WNT9B: variants seen among roughly 807,000 people sequenced by gnomAD.
WNT9B encodes the protein Wnt family member 9B.
WNT9B carries 12 observed loss-of-function variants against 30.2 expected under a neutral mutation model. That is an observed-to-expected ratio of 0.40 (90% CI 0.26 to 0.64). The LOEUF is 0.64. WNT9B is among the 30% of genes least tolerant of loss of function. The probability of loss-of-function intolerance (pLI) is 0.42; values close to 1 mark genes in which losing one functional copy is unlikely to be tolerated. For synonymous variants in WNT9B, 218 were observed against 216.9 expected (o/e 1.01, Z -0.05); for missense variants, 442 against 485.2 (o/e 0.91, Z 0.84).
intron 1 of WNT9B, among the ~76,000 whole-genome samples, chr17:46,839,013 G>T (rs2084667041): frequency 6.6e-6 from 1 of 152,082 alleles, no homozygotes; most frequent in Non-Finnish European, 1.5e-5. Flanking sequence ...GAATAGCTGG[G>T]ATTACAGGCG....
rs1043741539 is a variant in WNT9B, at chr17:46,851,760, C to T, written c.77+45C>T. 5.8e-6 allele frequency: 6 copies of T among 1,026,206 alleles called. No homozygotes were observed. The South Asian group carries it at 2.2e-4, about 38-fold the overall frequency. 63.6% of individuals were successfully genotyped at this position (1,026,206 alleles called of 1,614,324 possible). ...CCCGCCCGCTCCCCGGCCTGCCTGT[C>T]TCTCCCTCCTGCGCTACAGCTGGGC... On this transcript the variant is annotated intron_variant, in intron 1 of 3. Transcript: ENST00000290015. This position sits in a 1 kb window ranked among gnomAD's most constrained non-coding sequence, Gnocchi z 4.3.
intron 1 of WNT9B, among the ~76,000 whole-genome samples, chr17:46,870,297 C>T (rs1397388442): frequency 6.6e-6 from 1 of 152,156 alleles, no homozygotes; most frequent in African/African-American, 2.4e-5. Flanking sequence ...CCCCAAGCTG[C>T]CCTCCACACT....
At chr17:46,854,347 A>G (rs542590622) in intron 1 of WNT9B, among the ~76,000 whole-genome samples, 5 of 152,352 alleles carry the variant, frequency 3.3e-5, no homozygotes, top group Admixed American at 6.5e-5. Flanking sequence ...GCATTTGATT[A>G]TAACACAAAG....
chr17:46,848,228 T>C (rs2146534861), upstream of WNT9B, among the ~76,000 whole-genome samples: 1 of 152,304 alleles, frequency 6.6e-6, no homozygotes, highest in Middle Eastern at 3.4e-3. Flanking sequence ...TGGGCTGTAG[T>C]GTGTGTGCCC....
chr17:46,884,371 C>A (rs1363438004), downstream of WNT9B, among the ~76,000 whole-genome samples: 1 of 152,230 alleles, frequency 6.6e-6, no homozygotes, highest in African/African-American at 2.4e-5. Flanking sequence ...GTGCCGCCCC[C>A]GCCCCACACC....
exon 5 of WNT9B, chr17:46,886,551 A>AGGTG (rs2085491134): frequency 6.6e-6 from 1 of 152,188 alleles, no homozygotes; most frequent in Non-Finnish European, 1.5e-5. Flanking sequence ...CTGTCAATGT[A>AGGTG]GGTGGCCAGG....
chr17:46,866,467 AGTGT>A (rs997916157), intron 1 of WNT9B, among the ~76,000 whole-genome samples: 1 of 151,370 alleles, frequency 6.6e-6, no homozygotes, highest in Non-Finnish European at 1.5e-5. Context: ...AGGGAGTGTG[AGTGT>A]GTGTGTGTAT....
At chr17:46,842,362 C>T (rs1308234293) in intron 1 of WNT9B, among the ~76,000 whole-genome samples, 1 of 152,090 alleles carries the variant, frequency 6.6e-6, no homozygotes, top group Non-Finnish European at 1.5e-5. Flanking sequence ...TTACAGTTAG[C>T]TTTAAATCTT....
In WNT9B at chr17:46,838,165, G is replaced by C. The variant is rs1005321615; in HGVS notation, c.95+4725G>C. Among the ~76,000 whole-genome samples, 63 of 152,108 alleles carry C rather than the reference G, an allele frequency of 4.1e-4. 1 individual carries two copies. Among genetic ancestry groups the C allele is most frequent in the Non-Finnish European group, 4.1e-4 (28 of 68,026 alleles). On this transcript the variant is annotated intron_variant, in intron 1 of 2. Transcript: ENST00000575372. ...CCTTCTCTGTGTCACTGGCCCTACTGTTTTCTCTCTGAGACATCTGGCTGA... is the reference window on the plus strand; with the variant it reads ...CCTTCTCTGTGTCACTGGCCCTACTCTTTTCTCTCTGAGACATCTGGCTGA...
chr17:46,847,231 C>T (rs1305525316), upstream of WNT9B, among the ~76,000 whole-genome samples: 1 of 152,216 alleles, frequency 6.6e-6, no homozygotes, highest in Non-Finnish European at 1.5e-5. Flanking sequence ...GGAGGGGATT[C>T]TGAAGCCCAC....
At chr17:46,855,624 A>C (rs1048946286) in intron 1 of WNT9B, among the ~76,000 whole-genome samples, 1 of 152,202 alleles carries the variant, frequency 6.6e-6, no homozygotes, top group African/African-American at 2.4e-5. Flanking sequence ...AACTTCTGTG[A>C]TGTTGTATAA....
intron 1 of WNT9B, among the ~76,000 whole-genome samples, chr17:46,863,541 G>A (rs1335473114): frequency 6.6e-6 from 1 of 152,200 alleles, no homozygotes; most frequent in African/African-American, 2.4e-5. Flanking sequence ...GATGGTTAGA[G>A]GGGGATGGGG....
At chr17:46,846,660 C>G (rs544456620), upstream of WNT9B, among the ~76,000 whole-genome samples, 1 of 152,342 alleles carries the variant, frequency 6.6e-6, no homozygotes, top group Non-Finnish European at 1.5e-5. Context: ...ATTCAGCCTG[C>G]CTTGGCTGAA....
intron 1 of WNT9B, among the ~76,000 whole-genome samples, chr17:46,840,689 C>T (rs965857724): frequency 1.3e-5 from 2 of 152,182 alleles, no homozygotes; most frequent in African/African-American, 4.8e-5. Flanking sequence ...TTAATGGTCG[C>T]CATTCTAACT....
chr17:46,869,448 G>C (rs2085200758), intron 1 of WNT9B, among the ~76,000 whole-genome samples: 1 of 152,160 alleles, frequency 6.6e-6, no homozygotes, highest in South Asian at 2.1e-4. Context: ...TCTGGGCACT[G>C]CAGAGTGCTG....
downstream of WNT9B, among the ~76,000 whole-genome samples, chr17:46,880,619 G>C (rs1171377777): frequency 6.6e-6 from 1 of 152,208 alleles, no homozygotes; most frequent in Non-Finnish European, 1.5e-5. Context: ...CCCCGTAATG[G>C]ATAAGGAAAT....
intron 1 of WNT9B, among the ~76,000 whole-genome samples, chr17:46,867,014 A>G (rs2085151426): frequency 6.6e-6 from 1 of 152,192 alleles, no homozygotes; most frequent in South Asian, 2.1e-4. Flanking sequence ...GGGACTGGTC[A>G]AGATCAAGTT....
At position 46,877,634 on chromosome 17, in the gene WNT9B, C is replaced by T. The variant is rs574229296; in HGVS notation, c.*916C>T. Among the ~76,000 whole-genome samples the T allele has an allele frequency of 6.6e-5, 10 of 152,186 alleles. No individual in the cohort carries two copies. Among genetic ancestry groups the T allele is most frequent in the Non-Finnish European group, 1.3e-4 (9 of 68,032 alleles). On this transcript the variant is annotated 3_prime_UTR_variant, in exon 4 of 4. Coordinates refer to ENST00000290015, the MANE Select transcript of WNT9B (RefSeq NM_003396.3). ...ACAGCTTCCTGGTGCCTGGCAGTGA[C>T]GTGGCGAGCTCAGTTTCTCAGCTGG...
chr17:46,865,069 C>T (rs2085109028), intron 1 of WNT9B, among the ~76,000 whole-genome samples: 2 of 152,228 alleles, frequency 1.3e-5, no homozygotes, highest in Admixed American at 1.3e-4. Context: ...TGGGGACCCT[C>T]CGCAGCCACT....
Sources: allele counts gnomAD v4.1 joint callset (sites outside exome capture counted in the v4.1 genomes callset), GRCh38; gene constraint gnomAD v4.1.1; non-coding constraint Gnocchi (gnomAD v3.1); transcripts MANE v1.5; gene names NCBI Gene and HGNC (gene_info 2026-07-23, HGNC 2026-07-21).